PRKCA: variants seen among roughly 807,000 people sequenced by gnomAD.
PRKCA encodes protein kinase C alpha type.
Under a neutral mutation model 87.0 loss-of-function variants are expected in PRKCA, and 27 were observed. The ratio of observed to expected loss-of-function variants is 0.31; its 90% CI spans 0.23 to 0.43. The LOEUF (loss-of-function observed/expected upper bound fraction) is 0.43, where lower values mean the gene tolerates loss of function less well. Among genes scored for constraint, PRKCA ranks in the 20% least tolerant of loss-of-function variants. The probability of loss-of-function intolerance (pLI) is 1.00; values close to 1 mark genes in which losing one functional copy is unlikely to be tolerated. For missense variants in PRKCA, 518 were observed against 852.3 expected, an observed-to-expected ratio of 0.61 and a Z score of 4.88; for synonymous variants, 329 against 311.1, an observed-to-expected ratio of 1.06 and a Z score of -0.61.
chr17:66,582,838 C>G (rs1391258125), intron 3 of PRKCA, among the ~76,000 whole-genome samples: 1 of 152,180 alleles, frequency 6.6e-6, no homozygotes, highest in African/African-American at 2.4e-5. Context: ...TTAAAACTCT[C>G]TAAAGCCAGA....
intron 3 of PRKCA, among the ~76,000 whole-genome samples, chr17:66,512,963 G>T (rs990887475): frequency 6.6e-6 from 1 of 152,200 alleles, no homozygotes; most frequent in African/African-American, 2.4e-5. Flanking sequence ...AAAGTTCTGG[G>T]ATTGCAGGCG....
At chr17:66,448,773 T>C (rs1222957595) in intron 2 of PRKCA, among the ~76,000 whole-genome samples, 1 of 151,986 alleles carries the variant, frequency 6.6e-6, no homozygotes, top group Non-Finnish European at 1.5e-5. Flanking sequence ...GCTCATTCAG[T>C]TTTACCCCTC....
chr17:66,514,977 C>T (rs9915432), intron 3 of PRKCA, among the ~76,000 whole-genome samples: 75,009 of 151,802 alleles, frequency 0.49, 18,887 homozygotes, highest in East Asian at 0.75. Flanking sequence ...GGGATGTGGC[C>T]GGGTGCGGTG....
chr17:66,570,843 G>A (rs564876771), intron 3 of PRKCA, among the ~76,000 whole-genome samples: 2 of 152,282 alleles, frequency 1.3e-5, no homozygotes, highest in South Asian at 2.1e-4. Context: ...AAAGCCAAGA[G>A]CCCTGGGTTC....
At chr17:66,619,426 G>A (rs1279335062) in intron 3 of PRKCA, among the ~76,000 whole-genome samples, 3 of 152,186 alleles carry the variant, frequency 2.0e-5, no homozygotes, top group East Asian at 1.9e-4. Flanking sequence ...AACAGCTGAC[G>A]CCATCTACAC....
chr17:66,364,349 A>G (rs1215214360), intron 2 of PRKCA: 3 of 152,222 alleles, frequency 2.0e-5, no homozygotes, highest in Admixed American at 6.5e-5. Context: ...TTATTCATTC[A>G]TAGGAATCAC....
chr17:66,774,510 A>G, intron 14 of PRKCA: 6 of 677,468 alleles, frequency 8.9e-6, no homozygotes, highest in Non-Finnish European at 1.1e-5. Context: ...AAACTCAGCT[A>G]CTTGAGCTAC....
chr17:66,373,160 G>T (rs1399140300), intron 2 of PRKCA, among the ~76,000 whole-genome samples: 3 of 152,194 alleles, frequency 2.0e-5, no homozygotes, highest in Non-Finnish European at 4.4e-5. Flanking sequence ...TTGCTGTCAT[G>T]AAAAGATGTT....
At chr17:66,340,077 A>C (rs979224461) in intron 2 of PRKCA, 3 of 152,228 alleles carry the variant, frequency 2.0e-5, no homozygotes, top group Non-Finnish European at 4.4e-5. Flanking sequence ...TTTGGAGTTA[A>C]AATTGTGTGG....
Position 66,641,402 on chromosome 17 carries a change from C to T in PRKCA, c.336C>T (p.Pro112=), listed in dbSNP as rs367830317. 20 of 1,612,652 alleles carry T rather than the reference C, an allele frequency of 1.2e-5. No individual in the cohort carries two copies. The highest frequency in any genetic ancestry group is 6.7e-5 in the Admixed American group (4 of 59,878). ...TCAAAATCCACACTTACGGAAGCCC[C>T]ACCTTCTGCGATCACTGTGGGTCAC... is the stretch of plus-strand genomic sequence containing the variant. ...HKFKIHTYGS[P]TFCDHCGSLL... is the part of the protein sequence containing the mutation. The change falls in exon 4 of 17, where the codon CCC becomes CCT. Residue 112 remains proline, a synonymous_variant. Transcript: ENST00000413366.
chr17:66,665,611 G>T (rs931722922), intron 5 of PRKCA, among the ~76,000 whole-genome samples: 3 of 152,232 alleles, frequency 2.0e-5, no homozygotes, highest in East Asian at 3.9e-4. Flanking sequence ...TACCTGGAGT[G>T]GGGTAGAGTA....
At chr17:66,559,479 CAAAAAAA>C (rs34998780) in intron 3 of PRKCA, among the ~76,000 whole-genome samples, 61 of 36,712 alleles carry the variant, frequency 1.7e-3, no homozygotes, top group African/African-American at 6.0e-3. Context: ...TCTGTCTCAC[CAAAAAAA>C]AAAAAAAAAA....
chr17:66,451,343 A>AATTTATTTATTTATTT (rs60875203), intron 2 of PRKCA, among the ~76,000 whole-genome samples: 6 of 144,872 alleles, frequency 4.1e-5, no homozygotes, highest in South Asian at 2.2e-4. Flanking sequence ...ACGGAGTTAG[A>AATTTATTTATTTATTT]ATTTATTTAT....
chr17:66,312,716 C>T (rs1049884024), intron 2 of PRKCA, among the ~76,000 whole-genome samples: 4 of 144,932 alleles, frequency 2.8e-5, no homozygotes, highest in African/African-American at 5.1e-5. Context: ...TCTACATGTT[C>T]TTCCTATCGT....
chr17:66,739,294 G>A (rs1974104607), intron 11 of PRKCA, among the ~76,000 whole-genome samples: 1 of 152,148 alleles, frequency 6.6e-6, no homozygotes, highest in African/African-American at 2.4e-5. Context: ...ATACTGGTAG[G>A]ATCCATCTAA....
intron 5 of PRKCA, among the ~76,000 whole-genome samples, chr17:66,675,148 A>G (rs1018206019): frequency 1.3e-5 from 2 of 152,360 alleles, no homozygotes; most frequent in East Asian, 1.9e-4. Flanking sequence ...TCTCACAGTT[A>G]TGGAGGCTGG....
intron 2 of PRKCA, among the ~76,000 whole-genome samples, chr17:66,454,409 CT>C (rs1914485897): frequency 1.3e-5 from 2 of 152,176 alleles, no homozygotes; most frequent in African/African-American, 2.4e-5. Context: ...ATAAAACATT[CT>C]TTTCTTTTTT....
chr17:66,353,570 G>A (rs1388596618), intron 2 of PRKCA, among the ~76,000 whole-genome samples: 1 of 152,126 alleles, frequency 6.6e-6, no homozygotes, highest in Non-Finnish European at 1.5e-5. Flanking sequence ...ACAAAAATTA[G>A]CCGGGTGTGG....
chr17:66,425,934 G>C (rs1172516472), intron 2 of PRKCA, among the ~76,000 whole-genome samples: 4 of 152,156 alleles, frequency 2.6e-5, no homozygotes, highest in African/African-American at 9.6e-5. Flanking sequence ...TAGTGATCCT[G>C]TGAATTACCC....
Sources: allele counts gnomAD v4.1 joint callset (sites outside exome capture counted in the v4.1 genomes callset), GRCh38; gene constraint gnomAD v4.1.1; transcripts MANE v1.5; gene names NCBI Gene and HGNC (gene_info 2026-07-23, HGNC 2026-07-21).